The following SMURF2 variants were observed in gnomAD, a reference collection of about 807,000 sequenced individuals.
SMURF2 encodes E3 ubiquitin-protein ligase SMURF2.
Under a neutral mutation model 109.6 loss-of-function variants are expected in SMURF2, and 48 were observed. The ratio of observed to expected loss-of-function variants is 0.44; its 90% CI spans 0.35 to 0.56. The LOEUF (loss-of-function observed/expected upper bound fraction) is 0.56, where lower values mean the gene tolerates loss of function less well. SMURF2 is among the 20% of genes least tolerant of loss of function. The pLI is 0.01. For missense variants in SMURF2, 575 were observed against 909.0 expected, an observed-to-expected ratio of 0.63 and a Z score of 4.72; for synonymous variants, 288 against 317.1, an observed-to-expected ratio of 0.91 and a Z score of 0.97.
At chr17:64,605,385 A>G (rs1023473964) in intron 2 of SMURF2, among the ~76,000 whole-genome samples, 1 of 151,946 alleles carries the variant, frequency 6.6e-6, no homozygotes, top group Admixed American at 6.6e-5. Flanking sequence ...CTCTACAAAA[A>G]CTCAAAATAA....
At chr17:64,651,175 C>T (rs535215213) in intron 1 of SMURF2, among the ~76,000 whole-genome samples, 2 of 151,776 alleles carry the variant, frequency 1.3e-5, no homozygotes, top group Non-Finnish European at 2.9e-5. Context: ...CCAGCCTGGG[C>T]GACATAGCAA....
Position 64,566,561 on chromosome 17 carries a change from G to GTTTGTTTTTTTTTTTTTTT in SMURF2, c.1017-3596_1017-3595insAAAAAAAAAAAAAAACAAA, listed in dbSNP as rs1969305868. On this transcript the variant is annotated intron_variant, in intron 10 of 18. Coordinates refer to ENST00000262435, the MANE Select transcript of SMURF2 (RefSeq NM_022739.4). ...GATGTAGAAATGCTTAAGCTTTCTG[G>GTTTGTTTTTTTTTTTTTTT]TTTTTTTTTTTTTTTTTTTTTTTTT... Among the ~76,000 whole-genome samples, 25 of 43,804 alleles carry GTTTGTTTTTTTTTTTTTTT rather than the reference G, an allele frequency of 5.7e-4. 1 individual carries two copies. Among genetic ancestry groups the GTTTGTTTTTTTTTTTTTTT allele is most frequent in the African/African-American group, 1.6e-3 (21 of 13,312 alleles). 28.7% of individuals were successfully genotyped at this position (43,804 alleles called of 152,430 possible).
chr17:64,549,376 G>C lies in SMURF2; in HGVS notation c.1870-1575C>G, dbSNP rs9910303. On this transcript the variant is annotated intron_variant, in intron 16 of 18. Transcript: ENST00000262435. ...AGGTAGGAGGATCACTTCAGCATAAGAGTTAACAGTGAGCTAGGATCATGG... is the reference window on the plus strand; with the variant it reads ...AGGTAGGAGGATCACTTCAGCATAACAGTTAACAGTGAGCTAGGATCATGG... Among the ~76,000 whole-genome samples the C allele has an allele frequency of 9.1e-3, 1,375 of 151,024 alleles. 20 individuals are homozygous for C. Among genetic ancestry groups the C allele is most frequent in the African/African-American group, 0.032 (1,307 of 41,050 alleles).
intron 5 of SMURF2, among the ~76,000 whole-genome samples, chr17:64,589,944 T>C (rs530286036): frequency 1.3e-5 from 2 of 152,170 alleles, no homozygotes; most frequent in African/African-American, 4.8e-5. Context: ...TGCGCTGGTA[T>C]AGATACTTCC....
intron 1 of SMURF2, among the ~76,000 whole-genome samples, chr17:64,635,646 A>G (rs1970406722): frequency 6.6e-6 from 1 of 152,184 alleles, no homozygotes; most frequent in Admixed American, 6.5e-5. Flanking sequence ...TATAGCATAC[A>G]TCATCAGCAC....
intron 2 of SMURF2, among the ~76,000 whole-genome samples, chr17:64,603,977 CGCAA>C (rs1282613846): frequency 1.3e-5 from 2 of 152,078 alleles, no homozygotes; most frequent in Non-Finnish European, 2.9e-5. Flanking sequence ...TTAACTGAAT[CGCAA>C]GCAAAAACTT....
intron 1 of SMURF2, among the ~76,000 whole-genome samples, chr17:64,643,518 C>T (rs552022354): frequency 3.9e-5 from 6 of 152,086 alleles, no homozygotes; most frequent in Non-Finnish European, 4.4e-5. Context: ...GGCTTTAAAT[C>T]GGGTTCAATA....
intron 1 of SMURF2, among the ~76,000 whole-genome samples, chr17:64,607,913 A>G (rs9911528): frequency 0.25 from 37,501 of 150,824 alleles, 9,342 homozygotes; most frequent in African/African-American, 0.64. Flanking sequence ...GGAGGCTGCA[A>G]TGAGCCAAGA....
Position 64,662,073 on chromosome 17 carries a change from CT to C in SMURF2, c.-194del. Reference sequence around the variant, plus strand: ...GAGCGGGACGCCGAGCTCCCCCCTCCTCCCACTTCTCCTTCCTCGGCCCGGG... The same window carrying C: ...GAGCGGGACGCCGAGCTCCCCCCTCCCCCACTTCTCCTTCCTCGGCCCGGG... On this transcript the variant is annotated 5_prime_UTR_variant, in exon 1 of 19. Transcript: ENST00000262435. 1 of 1,091,594 alleles carries C rather than the reference CT, an allele frequency of 9.2e-7. No homozygotes were observed. Among genetic ancestry groups the C allele is most frequent in the Non-Finnish European group, 1.1e-6 (1 of 898,482 alleles). 67.6% of individuals were successfully genotyped at this position (1,091,594 alleles called of 1,614,324 possible).
chr17:64,544,925 A>AT lies in SMURF2; in HGVS notation c.*922dup, dbSNP rs1555682948. The AT allele has an allele frequency of 6.6e-6, 1 of 152,660 alleles. No individual in the cohort carries two copies. Among genetic ancestry groups the AT allele is most frequent in the African/African-American group, 2.4e-5 (1 of 41,464 alleles). 9.5% of individuals were successfully genotyped at this position (152,660 alleles called of 1,614,324 possible). On this transcript the variant is annotated 3_prime_UTR_variant, in exon 19 of 19. Transcript: ENST00000262435. Reference sequence around the variant, plus strand: ...ACTTTGGTTTATAGGAATAGTCCATATATTAAAGATAAGCTGACCCAGCAA... The same window carrying AT: ...ACTTTGGTTTATAGGAATAGTCCATATTATTAAAGATAAGCTGACCCAGCAA...
chr17:64,618,916 G>A (rs1431348620), intron 1 of SMURF2, among the ~76,000 whole-genome samples: 1 of 152,116 alleles, frequency 6.6e-6, no homozygotes, highest in African/African-American at 2.4e-5. Flanking sequence ...CAGAATGCAT[G>A]GGTTTGAACC....
chr17:64,549,690 A>G (rs573083957), intron 16 of SMURF2, among the ~76,000 whole-genome samples: 30 of 152,324 alleles, frequency 2.0e-4, no homozygotes, highest in Non-Finnish European at 2.5e-4. Flanking sequence ...CCTGGGAGGC[A>G]GAGGTTGCGG....
intron 9 of SMURF2, among the ~76,000 whole-genome samples, chr17:64,575,143 C>G (rs1403700046): frequency 6.6e-6 from 1 of 151,024 alleles, no homozygotes; most frequent in African/African-American, 2.4e-5. Flanking sequence ...AATTTCCTCC[C>G]CACTACTTTT....
chr17:64,546,519 T>C (rs1331585574), intron 17 of SMURF2, among the ~76,000 whole-genome samples, 181 bp from the exon 18 acceptor site: 6 of 152,238 alleles, frequency 3.9e-5, no homozygotes, highest in African/African-American at 1.4e-4. Flanking sequence ...AGAATTAACC[T>C]TGGATAAGGC....
chr17:64,583,614 A>G, intron 6 of SMURF2, 70 bp from the exon 7 acceptor site: 1 of 1,105,380 alleles, frequency 9.0e-7, no homozygotes, highest in Non-Finnish European at 1.4e-6. Flanking sequence ...GCAAGCCAGT[A>G]AGACATCTGC....
chr17:64,609,603 A>T (rs1297812549), intron 1 of SMURF2, among the ~76,000 whole-genome samples: 1 of 149,300 alleles, frequency 6.7e-6, no homozygotes, highest in Non-Finnish European at 1.5e-5. Context: ...CCTTCCTTAC[A>T]CCTTATACAA....
chr17:64,606,576 A>G, intron 2 of SMURF2, 26 bp downstream of exon 2: 1 of 1,494,244 alleles, frequency 6.7e-7, no homozygotes, highest in Non-Finnish European at 9.1e-7. Flanking sequence ...CATACAATAC[A>G]CAAGATTTAA....
rs59123107 is a variant in SMURF2, at chr17:64,546,900, C to CG, written c.2072-563_2072-562insC. Among the ~76,000 whole-genome samples, 271 of 152,334 alleles carry CG rather than the reference C, an allele frequency of 1.8e-3. 1 individual carries two copies. The highest frequency in any genetic ancestry group is 6.3e-3 in the African/African-American group (262 of 41,580). Reference sequence around the variant, plus strand: ...CACAGCTGAAAGCACGCTCTCCCCCCAGGGATTTCAGCGCATGCGCTGTGG... The same window carrying CG: ...CACAGCTGAAAGCACGCTCTCCCCCCGAGGGATTTCAGCGCATGCGCTGTGG... On this transcript the variant is annotated intron_variant, in intron 17 of 18. Coordinates refer to ENST00000262435, the MANE Select transcript of SMURF2 (RefSeq NM_022739.4).
chr17:64,568,874 C>T (rs183324703), intron 10 of SMURF2, among the ~76,000 whole-genome samples: 167 of 151,962 alleles, frequency 1.1e-3, no homozygotes, highest in African/African-American at 3.7e-3. Flanking sequence ...TGGTGGTGCG[C>T]GCCTGTAGTC....
Sources: gnomAD v4.1 joint callset for allele counts (sites outside exome capture counted in the v4.1 genomes callset) on GRCh38, gnomAD v4.1.1 for gene constraint, MANE v1.5 for transcripts, NCBI Gene and HGNC (gene_info 2026-07-23, HGNC 2026-07-21) for gene names.